GPC5: variants seen among roughly 807,000 people sequenced by gnomAD.
The protein encoded by GPC5 is glypican 5.
Under a neutral mutation model 53.9 loss-of-function variants are expected in GPC5, and 47 were observed. That is an observed-to-expected ratio of 0.87 (90% confidence interval 0.69 to 1.11). The LOEUF (loss-of-function observed/expected upper bound fraction) is 1.11, where lower values mean the gene tolerates loss of function less well. GPC5 is among the 50% of genes most tolerant of loss of function. GPC5 has a pLI of 0.00. For missense variants in GPC5, 748 were observed against 713.1 expected, an observed-to-expected ratio of 1.05 and a Z score of -0.56; for synonymous variants, 286 against 263.3, an observed-to-expected ratio of 1.09 and a Z score of -0.84.
At chr13:92,400,670 C>G (rs1339956864) in intron 7 of GPC5, among the ~76,000 whole-genome samples, 1 of 152,168 alleles carries the variant, frequency 6.6e-6, no homozygotes, top group Admixed American at 6.5e-5. Context: ...ACGAAGCACT[C>G]AAGTATATAT....
At chr13:91,792,663 A>G (rs769082241) in intron 5 of GPC5, among the ~76,000 whole-genome samples, 9 of 152,176 alleles carry the variant, frequency 5.9e-5, no homozygotes, top group Non-Finnish European at 4.4e-5. Context: ...TGTGTCTTCA[A>G]TAGCTATTCC....
intron 6 of GPC5, among the ~76,000 whole-genome samples, chr13:92,015,055 CTT>C (rs1350849486): frequency 1.3e-5 from 2 of 152,032 alleles, no homozygotes; most frequent in Non-Finnish European, 2.9e-5. Flanking sequence ...TAGTAAGTAC[CTT>C]AAACCAGTGA....
chr13:91,592,491 C>T (rs76806162), intron 2 of GPC5, among the ~76,000 whole-genome samples: 2,933 of 152,240 alleles, frequency 0.019, 99 homozygotes, highest in African/African-American at 0.066. Context: ...TAGGCCACAC[C>T]CTTTGTGGGC....
intron 5 of GPC5, among the ~76,000 whole-genome samples, chr13:91,798,001 A>C (rs1459350124): frequency 1.3e-5 from 2 of 152,180 alleles, no homozygotes; most frequent in Non-Finnish European, 2.9e-5. Flanking sequence ...TAGGGAGATT[A>C]TCTTGCTTTT....
intron 7 of GPC5, among the ~76,000 whole-genome samples, chr13:92,817,977 T>G (rs1877534625): frequency 6.6e-6 from 1 of 151,562 alleles, no homozygotes; most frequent in South Asian, 2.1e-4. Context: ...ACCTGGGTAA[T>G]GGGTAATGGA....
chr13:91,504,339 G>C (rs922659327), intron 2 of GPC5, among the ~76,000 whole-genome samples: 1 of 151,878 alleles, frequency 6.6e-6, no homozygotes, highest in Non-Finnish European at 1.5e-5. Flanking sequence ...AATAAAGTCA[G>C]GAAGAATATC....
chr13:92,575,864 G>A (rs1395296812), intron 7 of GPC5, among the ~76,000 whole-genome samples: 1 of 152,154 alleles, frequency 6.6e-6, no homozygotes, highest in Non-Finnish European at 1.5e-5. Context: ...TGAAGAGAAA[G>A]CATTCAACTA....
chr13:92,031,348 G>A (rs2040839883), intron 6 of GPC5, among the ~76,000 whole-genome samples: 1 of 152,040 alleles, frequency 6.6e-6, no homozygotes, highest in Non-Finnish European at 1.5e-5. Flanking sequence ...CAAAGGTATA[G>A]AAAACCAAAC....
Position 91,926,559 on chromosome 13 carries a change from C to T in GPC5, c.1401+18502C>T, listed in dbSNP as rs556765464. ...CCTCAGTGCCCCCAGGTACTTGAAGCATGTTATTGTTATGGCAAAATTCAG... is the reference window on the plus strand; with the variant it reads ...CCTCAGTGCCCCCAGGTACTTGAAGTATGTTATTGTTATGGCAAAATTCAG... On this transcript the variant is annotated intron_variant, in intron 6 of 7. Coordinates refer to ENST00000377067, the MANE Select transcript of GPC5 (RefSeq NM_004466.6). Among the ~76,000 whole-genome samples, 4 of 152,188 alleles carry T rather than the reference C, an allele frequency of 2.6e-5. No individual in the cohort carries two copies. In the South Asian group the frequency reaches 8.3e-4, roughly 32 times the overall value.
At chr13:92,615,612 CT>C (rs1156844801) in intron 7 of GPC5, among the ~76,000 whole-genome samples, 1 of 152,116 alleles carries the variant, frequency 6.6e-6, no homozygotes, top group Non-Finnish European at 1.5e-5. Context: ...AAATTGTGTT[CT>C]TTAGATGTTA....
intron 7 of GPC5, among the ~76,000 whole-genome samples, chr13:92,197,375 T>A (rs1030905020): frequency 1.3e-5 from 2 of 152,218 alleles, no homozygotes; most frequent in Non-Finnish European, 2.9e-5. Context: ...TCTTTATAAC[T>A]ATATTGATCG....
At chr13:91,939,656 T>C (rs766926341) in intron 6 of GPC5, among the ~76,000 whole-genome samples, 2 of 152,126 alleles carry the variant, frequency 1.3e-5, no homozygotes, top group Non-Finnish European at 2.9e-5. Flanking sequence ...TGTTCCAAGA[T>C]GTTAAAGGAT....
chr13:91,564,171 A>G (rs2031421983), intron 2 of GPC5, among the ~76,000 whole-genome samples: 1 of 152,106 alleles, frequency 6.6e-6, no homozygotes, highest in Non-Finnish European at 1.5e-5. Flanking sequence ...CTTTGAATGA[A>G]TTTGGCCACC....
chr13:92,422,986 C>T (rs953133691), intron 7 of GPC5, among the ~76,000 whole-genome samples: 1 of 152,184 alleles, frequency 6.6e-6, no homozygotes, highest in Non-Finnish European at 1.5e-5. Flanking sequence ...TTATAAACAA[C>T]AGCAATTTAT....
In GPC5 at chr13:91,447,488, C is replaced by A. The variant is rs118112885; in HGVS notation, c.164-1273C>A. ...CCTTTGTAAAGTGTCAAAATTCTGT[C>A]ATTTGTTATTTGTCTGACTTAAACT... On this transcript the variant is annotated intron_variant, in intron 1 of 7. Coordinates refer to ENST00000377067, the MANE Select transcript of GPC5 (RefSeq NM_004466.6). Among the ~76,000 whole-genome samples, 64 of 152,166 alleles carry A rather than the reference C, an allele frequency of 4.2e-4. 2 individuals are homozygous for A. In the East Asian group the frequency reaches 0.012, roughly 28 times the overall value.
intron 5 of GPC5, among the ~76,000 whole-genome samples, chr13:91,854,643 A>G (rs1217858313): frequency 6.6e-6 from 1 of 151,742 alleles, no homozygotes; most frequent in Non-Finnish European, 1.5e-5. Context: ...GAAAATTTCA[A>G]CCAGGAAAAG....
intron 7 of GPC5, among the ~76,000 whole-genome samples, chr13:92,524,694 G>A (rs575245282): frequency 1.3e-5 from 2 of 152,182 alleles, no homozygotes; most frequent in East Asian, 1.9e-4. Context: ...ACAGAAAGTT[G>A]TATATTGATT....
chr13:92,277,957 CTA>C (rs2042887786), intron 7 of GPC5, among the ~76,000 whole-genome samples: 2 of 151,618 alleles, frequency 1.3e-5, no homozygotes, highest in Non-Finnish European at 3.0e-5. Flanking sequence ...TTGATTAAAA[CTA>C]ATTATATAGT....
At chr13:91,845,308 T>C (rs2038835961) in intron 5 of GPC5, among the ~76,000 whole-genome samples, 1 of 152,120 alleles carries the variant, frequency 6.6e-6, no homozygotes. Flanking sequence ...TAAGGTTTTT[T>C]TTTAATCGTT....
Sources: gnomAD v4.1 joint callset for allele counts (sites outside exome capture counted in the v4.1 genomes callset) on GRCh38, gnomAD v4.1.1 for gene constraint, MANE v1.5 for transcripts, NCBI Gene and HGNC (gene_info 2026-07-23, HGNC 2026-07-21) for gene names.